The following INO80 variants were observed in gnomAD, a reference collection of about 807,000 sequenced individuals.
The protein encoded by INO80 is INO80 complex ATPase subunit.
A neutral mutation model predicts 203.4 loss-of-function variants in INO80; 20 were observed. The observed-to-expected ratio is 0.10, with a 90% CI of 0.07 to 0.14. The LOEUF (loss-of-function observed/expected upper bound fraction) is 0.14, where lower values mean the gene tolerates loss of function less well. Ranked by LOEUF, INO80 falls within the 10% of genes least tolerant of loss-of-function variation. INO80 has a pLI of 1.00. For synonymous variants in INO80, 726 were observed against 685.2 expected (o/e 1.06, Z -0.93); for missense variants, 1,419 against 1,914.4 (o/e 0.74, Z 4.83).
rs71104771 is a variant in INO80 at position 41,099,237 on chromosome 15, CAAAAAAAAAA to C, written c.-43-2894_-43-2885del. Among the ~76,000 whole-genome samples the C allele has an allele frequency of 1.2e-3, 25 of 21,098 alleles. 1 individual carries two copies. The highest frequency in any genetic ancestry group is 4.4e-3 in the Admixed American group (4 of 900). The allele number at this position is 21,098 out of a possible 152,430, so 13.8% of individuals were successfully genotyped here. On this transcript the variant is annotated intron_variant, in intron 1 of 35. Coordinates refer to ENST00000648947, the MANE Select transcript of INO80 (RefSeq NM_017553.3). ...TCCAGCCTGGAGTAAGACCCTGTCT[CAAAAAAAAAA>C]AAAAAAAAAAAAAAAAAAAACAAAC...
intron 8 of INO80, among the ~76,000 whole-genome samples, chr15:41,080,392 T>TA (rs1405449796): frequency 1.3e-5 from 2 of 152,122 alleles, no homozygotes; most frequent in Non-Finnish European, 1.5e-5. Flanking sequence ...TCACAATTCT[T>TA]AAAGGAAGTT....
chr15:41,043,436 A>C (rs1332232839), intron 24 of INO80, among the ~76,000 whole-genome samples: 1 of 152,212 alleles, frequency 6.6e-6, no homozygotes, highest in African/African-American at 2.4e-5. Flanking sequence ...GCATTACTCC[A>C]AACAGGCTGG....
At chr15:41,040,954 C>G (rs1202767134) in intron 24 of INO80, among the ~76,000 whole-genome samples, 1 of 152,030 alleles carries the variant, frequency 6.6e-6, no homozygotes, top group East Asian at 1.9e-4. Flanking sequence ...TCCAAATGGC[C>G]AATAAACACC....
chr15:40,994,653 C>T (rs993018664), intron 29 of INO80, among the ~76,000 whole-genome samples: 1 of 152,122 alleles, frequency 6.6e-6, no homozygotes, highest in African/African-American at 2.4e-5. Context: ...GTGTGAGCCA[C>T]TGCACCTGGC....
chr15:41,081,125 A>T, intron 7 of INO80, 52 bp from the exon 8 acceptor site: 1 of 1,158,432 alleles, frequency 8.6e-7, no homozygotes, highest in Non-Finnish European at 1.3e-6. Flanking sequence ...TTGAACTAAG[A>T]CTATGTAGAA....
intron 25 of INO80, among the ~76,000 whole-genome samples, chr15:41,023,880 T>A (rs2044336645): frequency 6.6e-6 from 1 of 151,434 alleles, no homozygotes; most frequent in Non-Finnish European, 1.5e-5. Flanking sequence ...ATTTAAAAAT[T>A]TTTATTTATT....
chr15:41,042,623 G>A (rs1013254284), intron 24 of INO80, among the ~76,000 whole-genome samples: 9 of 151,962 alleles, frequency 5.9e-5, no homozygotes, highest in Admixed American at 3.9e-4. Flanking sequence ...ACAGGCGTGT[G>A]CCACCACACC....
intron 24 of INO80, among the ~76,000 whole-genome samples, chr15:41,041,450 CT>C (rs1301125035): frequency 1.0e-4 from 13 of 123,830 alleles, no homozygotes; most frequent in Admixed American, 3.4e-4. Context: ...TTTTTTCTTT[CT>C]TTTTTTGAGA....
intron 1 of INO80, among the ~76,000 whole-genome samples, chr15:41,099,551 CAGG>C (rs903519029): frequency 6.6e-5 from 10 of 151,920 alleles, no homozygotes; most frequent in Non-Finnish European, 4.4e-5. Context: ...GGAGGTGAGG[CAGG>C]AGGAGAGCTT....
At chr15:41,012,734 TTC>T (rs1267439678) in intron 27 of INO80, among the ~76,000 whole-genome samples, 1 of 152,146 alleles carries the variant, frequency 6.6e-6, no homozygotes, top group Non-Finnish European at 1.5e-5. Flanking sequence ...ATTTTTGTTT[TTC>T]TTAGTGCCCA....
chr15:40,984,060 T>C lies in INO80; in HGVS notation c.4077+137A>G, dbSNP rs917922619. 3.0e-6 allele frequency: 4 copies of C among 1,338,788 alleles called. No individual in the cohort carries two copies. In the African/African-American group the frequency reaches 5.8e-5, roughly 19 times the overall value. 82.9% of individuals were successfully genotyped at this position (1,338,788 alleles called of 1,614,324 possible). The stretch of plus-strand genomic sequence containing the variant: ...ACCTGTCCTCATTTGTTTTTCTCCT[T>C]ACAGACCTCATGTGCAACCTACTTC... On this transcript the variant is annotated intron_variant, in intron 33 of 35. Coordinates refer to ENST00000648947, the MANE Select transcript of INO80 (RefSeq NM_017553.3).
chr15:41,069,422 A>C, intron 14 of INO80, 148 bp downstream of exon 14: 1 of 502,796 alleles, frequency 2.0e-6, no homozygotes. Context: ...CACCCACCTC[A>C]ACCTCCCAAA....
At chr15:41,093,903 A>G (rs1010732832) in intron 4 of INO80, among the ~76,000 whole-genome samples, 2 of 152,218 alleles carry the variant, frequency 1.3e-5, no homozygotes, top group Non-Finnish European at 1.5e-5. Flanking sequence ...ACAATGAATT[A>G]TAACTCAATT....
At chr15:41,114,950 G>T (rs572635596) in intron 1 of INO80, among the ~76,000 whole-genome samples, 167 of 152,168 alleles carry the variant, frequency 1.1e-3, no homozygotes, top group African/African-American at 3.8e-3. Context: ...AGTGGTTGAT[G>T]GCTACAGAAT....
At chr15:41,074,606 T>C in intron 9 of INO80, 41 bp from the exon 10 acceptor site, 1 of 1,419,952 alleles carries the variant, frequency 7.0e-7, no homozygotes, top group Non-Finnish European at 9.7e-7. Flanking sequence ...AAATTATCAA[T>C]GATATCCAAG....
At chr15:41,046,220 T>C (rs1447922378) in intron 23 of INO80, among the ~76,000 whole-genome samples, 126 of 9,084 alleles carry the variant, frequency 0.014, 14 homozygotes, top group African/African-American at 0.025. Flanking sequence ...TATATATATA[T>C]ATATATATAT....
In INO80 at chr15:41,059,851, T is replaced by C; in HGVS notation, c.1842+16A>G. On this transcript the variant is annotated intron_variant, in intron 15 of 35. Transcript: ENST00000648947. ...CATGTACGGTACGTATGTATGCAGT[T>C]TAAGTAGAATGTTACCTGACTCCAG... 1 of 1,573,398 alleles carries C rather than the reference T, an allele frequency of 6.4e-7. No individual in the cohort carries two copies. Among genetic ancestry groups the C allele is most frequent in the East Asian group, 2.2e-5 (1 of 44,652 alleles).
Position 41,016,138 on chromosome 15 carries a change from G to T in INO80, c.3352C>A (p.His1118Asn). 6.2e-7 allele frequency: 1 copy of T among 1,613,452 alleles called. No homozygotes were observed. The highest frequency in any genetic ancestry group is 8.5e-7 in the Non-Finnish European group (1 of 1,179,496). Reference sequence around the variant, plus strand: ...ATCTGGGAGTAGATAAGGACCCTATGCCCTTGAGACTTGAGCCGAGTCAGC... The same window carrying T: ...ATCTGGGAGTAGATAAGGACCCTATTCCCTTGAGACTTGAGCCGAGTCAGC... ...VLLTRLKSQG[H>N]RVLIYSQMTR... The change falls in exon 27 of 36, where the codon CAT becomes AAT. Residue 1118 changes from histidine (H) to asparagine (N), a missense_variant. Physicochemically the swap from His to Asn is moderately conservative, Grantham distance 68. Around this residue, in one of 9 missense-constraint regions of INO80, gnomAD observed 302 missense variants for 345.4 expected, o/e 0.87. Transcript: ENST00000648947.
chr15:41,093,229 A>G lies in INO80; in HGVS notation c.382-1047T>C, dbSNP rs1358894122. On this transcript the variant is annotated intron_variant, in intron 4 of 35. Coordinates refer to ENST00000648947, the MANE Select transcript of INO80 (RefSeq NM_017553.3). ...ATCACAAGGTCAGGAGTTTGAGAACAGCCTGGCTAACATGGTGAAACCCTG... is the reference window on the plus strand; with the variant it reads ...ATCACAAGGTCAGGAGTTTGAGAACGGCCTGGCTAACATGGTGAAACCCTG... Among the ~76,000 whole-genome samples, 4 of 152,052 alleles carry G rather than the reference A, an allele frequency of 2.6e-5. No homozygotes were observed. The East Asian group carries it at 7.8e-4, about 30-fold the overall frequency.
Sources: gnomAD v4.1 joint callset for allele counts (sites outside exome capture counted in the v4.1 genomes callset) on GRCh38, gnomAD v4.1.1 for gene constraint, gnomAD v4.1.1 regional missense constraint, MANE v1.5 for transcripts, NCBI Gene and HGNC (gene_info 2026-07-23, HGNC 2026-07-21) for gene names.